The following ZSCAN25 variants were observed in gnomAD, a reference collection of about 807,000 sequenced individuals.
ZSCAN25 encodes the protein zinc finger and SCAN domain-containing protein 25.
Under a neutral mutation model 38.7 loss-of-function variants are expected in ZSCAN25, and 27 were observed. That is an observed-to-expected ratio of 0.70 (90% confidence interval 0.51 to 0.96). The LOEUF is 0.96. ZSCAN25 is among the 40% of genes least tolerant of loss of function. The pLI is 0.00. For synonymous variants in ZSCAN25, 273 were observed against 277.7 expected (o/e 0.98, Z 0.17); for missense variants, 637 against 705.9 (o/e 0.90, Z 1.11).
At chr7:99,671,731 G>A in the ZSCAN25 span, 8 of 679,448 alleles carry the variant, frequency 1.2e-5, no homozygotes, top group East Asian at 2.2e-4. Flanking sequence ...TTAATACATT[G>A]GCCTCCTCAA....
chr7:99,664,076 G>A, the ZSCAN25 span: 7 of 1,586,288 alleles, frequency 4.4e-6, no homozygotes, highest in South Asian at 1.2e-5. Context: ...CAAAAACTGG[G>A]GTAAGGAATG....
the ZSCAN25 span, among the ~76,000 whole-genome samples, chr7:99,710,273 A>G: frequency 6.6e-6 from 1 of 152,330 alleles, no homozygotes; most frequent in African/African-American, 2.4e-5. Context: ...CCTGGTTCCT[A>G]GCTTGCTTCT....
the ZSCAN25 span, chr7:99,652,479 G>A: frequency 1.5e-4 from 133 of 910,652 alleles, no homozygotes; most frequent in Non-Finnish European, 2.1e-4. Flanking sequence ...CGATTGTCAT[G>A]TAGATTAAGA....
At chr7:99,705,253 A>G in the ZSCAN25 span, 16 of 425,176 alleles carry the variant, frequency 3.8e-5, no homozygotes, top group Admixed American at 1.5e-4. Context: ...AGATAGTCCT[A>G]TGAGAAGCAG....
the ZSCAN25 span, chr7:99,705,561 A>C: frequency 6.2e-7 from 1 of 1,613,738 alleles, no homozygotes; most frequent in South Asian, 1.1e-5. Flanking sequence ...TTTTTCTGTT[A>C]GAAGAAGTCC....
chr7:99,620,046 TAAAG>T, intron 4 of ZSCAN25, 53 bp downstream of exon 4: 2 of 1,525,472 alleles, frequency 1.3e-6, no homozygotes, highest in South Asian at 1.3e-5. Flanking sequence ...CAGGGAATGT[TAAAG>T]AATCCAAAGA....
chr7:99,654,514 C>G, the ZSCAN25 span, among the ~76,000 whole-genome samples: 5 of 152,170 alleles, frequency 3.3e-5, no homozygotes, highest in African/African-American at 1.2e-4. Context: ...CAAGTCTTTG[C>G]TATTGTGAAT....
At chr7:99,676,831 G>A in the ZSCAN25 span, among the ~76,000 whole-genome samples, 5 of 152,152 alleles carry the variant, frequency 3.3e-5, no homozygotes, top group Admixed American at 1.3e-4. Context: ...TGACAACTGT[G>A]TTCATGGCTT....
chr7:99,686,780 C>T, the ZSCAN25 span, among the ~76,000 whole-genome samples: 4 of 152,246 alleles, frequency 2.6e-5, no homozygotes, highest in East Asian at 3.9e-4. Flanking sequence ...AGACTGACAC[C>T]TCACACGGCC....
At position 99,631,735 on chromosome 7, in the gene ZSCAN25, G is replaced by T. The variant is rs1246787505; in HGVS notation, c.*1715G>T. The T allele has an allele frequency of 1.0e-6, 1 of 985,238 alleles. No homozygotes were observed. Among genetic ancestry groups the T allele is most frequent in the African/African-American group, 1.7e-5 (1 of 57,188 alleles). The allele number at this position is 985,238 out of a possible 1,614,324, so 61.0% of individuals were successfully genotyped here. A position where few individuals can be genotyped will look rare whatever the true frequency, so the allele number is the denominator to read the frequency against. On this transcript the variant is annotated 3_prime_UTR_variant, in exon 8 of 8. Transcript: ENST00000394152. ...TCACCTGTTCTTGTTAGGCAGCATG[G>T]TGTCTAATTTTGGCTTAGCAAATGA... is the stretch of plus-strand genomic sequence containing the variant.
the ZSCAN25 span, among the ~76,000 whole-genome samples, chr7:99,679,443 T>A: frequency 6.6e-6 from 1 of 152,112 alleles, no homozygotes; most frequent in Admixed American, 6.6e-5. Flanking sequence ...AGCCACTCCT[T>A]CCTGTACCCA....
chr7:99,621,199 T>G, intron 4 of ZSCAN25, 174 bp from the exon 5 acceptor site: 1 of 489,294 alleles, frequency 2.0e-6, no homozygotes, highest in Non-Finnish European at 3.3e-6. Flanking sequence ...TGAGTTTAGC[T>G]TCCTTTTCAC....
the ZSCAN25 span, among the ~76,000 whole-genome samples, chr7:99,643,393 G>A: frequency 6.6e-6 from 1 of 152,070 alleles, no homozygotes; most frequent in Non-Finnish European, 1.5e-5. Flanking sequence ...GCAAGGTTAG[G>A]TGAAGGTCTT....
At chr7:99,713,435 C>T in the ZSCAN25 span, 2 of 1,612,300 alleles carry the variant, frequency 1.2e-6, no homozygotes, top group African/African-American at 2.7e-5. Flanking sequence ...TCTGAGTGCC[C>T]CACCAGTAGC....
chr7:99,674,101 T>A, the ZSCAN25 span: 2 of 153,932 alleles, frequency 1.3e-5, no homozygotes, highest in South Asian at 4.1e-4. Context: ...GAAACAAAAC[T>A]ATTACAAAAG....
the ZSCAN25 span, among the ~76,000 whole-genome samples, chr7:99,705,858 G>A: frequency 1.5e-4 from 23 of 152,246 alleles, no homozygotes; most frequent in African/African-American, 4.3e-4. Context: ...CAAATTCATG[G>A]GAACCCGTGT....
the ZSCAN25 span, among the ~76,000 whole-genome samples, chr7:99,728,580 C>T: frequency 6.6e-6 from 1 of 152,204 alleles, no homozygotes; most frequent in African/African-American, 2.4e-5. Context: ...CCTCTGCTTC[C>T]TCTGTGGCTC....
At chr7:99,705,327 C>T in the ZSCAN25 span, 69 of 725,542 alleles carry the variant, frequency 9.5e-5, no homozygotes, top group South Asian at 1.1e-3. Flanking sequence ...AAGTATAACA[C>T]TCTATACAGA....
At chr7:99,665,410 A>G in the ZSCAN25 span, 9 of 1,491,876 alleles carry the variant, frequency 6.0e-6, no homozygotes, top group Non-Finnish European at 8.4e-6. Flanking sequence ...GTCAAGACAC[A>G]TAAAGAGCCA....
Sources: gnomAD v4.1 joint callset for allele counts (sites outside exome capture counted in the v4.1 genomes callset) on GRCh38, gnomAD v4.1.1 for gene constraint, MANE v1.5 for transcripts, NCBI Gene and HGNC (gene_info 2026-07-23, HGNC 2026-07-21) for gene names.